The following ADAMTSL1 variants were observed in gnomAD, a reference collection of about 807,000 sequenced individuals.
ADAMTSL1 encodes ADAMTS-like protein 1.
In ADAMTSL1, 126 loss-of-function variants were observed where a neutral mutation model predicts 201.8. The ratio of observed to expected loss-of-function variants is 0.62; its 90% CI spans 0.54 to 0.72. The LOEUF is 0.72. Ranked by LOEUF, ADAMTSL1 falls within the 30% of genes least tolerant of loss-of-function variation. The probability of loss-of-function intolerance (pLI) is 0.00; values close to 1 mark genes in which losing one functional copy is unlikely to be tolerated. For synonymous variants in ADAMTSL1, 1,121 were observed against 903.4 expected (o/e 1.24, Z -4.32); for missense variants, 2,679 against 2,277.8 (o/e 1.18, Z -3.59).
chr9:18,522,748 A>T (rs528109819), intron 2 of ADAMTSL1, among the ~76,000 whole-genome samples: 169 of 151,870 alleles, frequency 1.1e-3, no homozygotes, highest in Non-Finnish European at 1.7e-3. Context: ...AGCTTCATCC[A>T]TGTCCCTACA....
chr9:18,774,017 G>T (rs1820839727), intron 17 of ADAMTSL1, among the ~76,000 whole-genome samples: 1 of 152,160 alleles, frequency 6.6e-6, no homozygotes, highest in Admixed American at 6.5e-5. Context: ...ACACAGAATA[G>T]TGTCACTTCA....
At chr9:18,052,702 GCAT>G (rs1821992840) in intron 1 of ADAMTSL1, among the ~76,000 whole-genome samples, 1 of 152,058 alleles carries the variant, frequency 6.6e-6, no homozygotes, top group Non-Finnish European at 1.5e-5. Context: ...ATTAAAAACA[GCAT>G]CATCATCATT....
intron 23 of ADAMTSL1, among the ~76,000 whole-genome samples, chr9:18,865,646 T>A (rs1827482665): frequency 6.6e-6 from 1 of 152,206 alleles, no homozygotes; most frequent in African/African-American, 2.4e-5. Flanking sequence ...ATCTTACACA[T>A]ATGTGAATCA....
At chr9:18,888,119 C>T in intron 24 of ADAMTSL1, 76 bp downstream of exon 24, 1 of 1,451,762 alleles carries the variant, frequency 6.9e-7, no homozygotes. Flanking sequence ...TCTAGCAGAA[C>T]AAAGAGATTT....
At chr9:18,619,580 T>G (rs1825902206) in intron 4 of ADAMTSL1, among the ~76,000 whole-genome samples, 1 of 152,206 alleles carries the variant, frequency 6.6e-6, no homozygotes, top group African/African-American at 2.4e-5. Flanking sequence ...ACCTCCTATT[T>G]AGCTATTCCT....
chr9:18,048,367 T>G (rs1414785768), intron 1 of ADAMTSL1, among the ~76,000 whole-genome samples: 1 of 152,204 alleles, frequency 6.6e-6, no homozygotes. Context: ...GTTGGTTTTA[T>G]GCACATTGTC....
chr9:18,614,074 A>G (rs967142425), intron 4 of ADAMTSL1, among the ~76,000 whole-genome samples: 1 of 152,114 alleles, frequency 6.6e-6, no homozygotes, highest in Non-Finnish European at 1.5e-5. Context: ...CTAAGATGAG[A>G]AAGTGTTTGT....
chr9:18,358,794 A>G (rs1272954303), intron 2 of ADAMTSL1, among the ~76,000 whole-genome samples: 1 of 152,142 alleles, frequency 6.6e-6, no homozygotes, highest in Non-Finnish European at 1.5e-5. Flanking sequence ...CATTTGGATT[A>G]TTTCCTTATC....
chr9:18,072,075 GC>G (rs1563982619), intron 1 of ADAMTSL1, among the ~76,000 whole-genome samples: 1 of 152,120 alleles, frequency 6.6e-6, no homozygotes, highest in Non-Finnish European at 1.5e-5. Context: ...GTATGTCCAA[GC>G]TTGCATTTTC....
rs538367729 is a variant in ADAMTSL1 at position 18,757,122 on chromosome 9, T to A, written c.2217+3614T>A. On this transcript the variant is annotated intron_variant, in intron 16 of 28. Coordinates refer to ENST00000380548, the MANE Select transcript of ADAMTSL1 (RefSeq NM_001040272.6). ...TTATTTCAGTTCTTCCTCTTAATAC[T>A]CTGCCCTTTGCTTTTCCTCTCTGGT... is the stretch of plus-strand genomic sequence containing the variant. Among the ~76,000 whole-genome samples the A allele has an allele frequency of 2.6e-5, 4 of 152,368 alleles. No homozygotes were observed. In the East Asian group the frequency reaches 7.7e-4, roughly 29 times the overall value.
At chr9:18,811,563 G>A (rs1001752140) in intron 20 of ADAMTSL1, among the ~76,000 whole-genome samples, 3 of 152,196 alleles carry the variant, frequency 2.0e-5, no homozygotes, top group African/African-American at 7.2e-5. Flanking sequence ...AACCTGCACT[G>A]GGTAGTAACA....
intron 15 of ADAMTSL1, chr9:18,723,451 C>G: frequency 3.7e-6 from 1 of 269,048 alleles, no homozygotes; most frequent in Non-Finnish European, 7.2e-6. Flanking sequence ...CTTTGAGCAC[C>G]AAAACGAATA....
intron 2 of ADAMTSL1, among the ~76,000 whole-genome samples, chr9:18,180,098 A>G (rs1198341764): frequency 6.6e-6 from 1 of 152,220 alleles, no homozygotes; most frequent in East Asian, 1.9e-4. Context: ...ATAAAGAGTC[A>G]AGACCCATCA....
intron 2 of ADAMTSL1, among the ~76,000 whole-genome samples, chr9:18,274,243 G>T (rs1479665290): frequency 6.6e-6 from 1 of 152,150 alleles, no homozygotes; most frequent in African/African-American, 2.4e-5. Flanking sequence ...TGATGCATTC[G>T]TAAAAATGTA....
At chr9:17,983,976 A>T (rs148818251) in intron 1 of ADAMTSL1, among the ~76,000 whole-genome samples, 1 of 152,170 alleles carries the variant, frequency 6.6e-6, no homozygotes, top group East Asian at 1.9e-4. Flanking sequence ...TAATGAGATT[A>T]ATAAGTTAAA....
chr9:18,655,819 A>AAATAAAAAAAATAAAAAT (rs1828613001), intron 7 of ADAMTSL1, among the ~76,000 whole-genome samples: 2 of 101,044 alleles, frequency 2.0e-5, no homozygotes, highest in Non-Finnish European at 5.0e-5. Context: ...AAAAAAAAAA[A>AAATAAAAAAAATAAAAAT]AAAAAAAAAA....
Position 18,278,291 on chromosome 9 carries a change from G to A in ADAMTSL1, c.207+114310G>A, listed in dbSNP as rs75226886. ...TCATATTGTTAAGTAGCATTGTTTCGTTTTAACTTGAATAATTCCCTTTAG... is the reference window on the plus strand; with the variant it reads ...TCATATTGTTAAGTAGCATTGTTTCATTTTAACTTGAATAATTCCCTTTAG... On this transcript the variant is annotated intron_variant, in intron 2 of 29. Transcript: ENST00000680146. Among the ~76,000 whole-genome samples, 13 of 152,118 alleles carry A rather than the reference G, an allele frequency of 8.5e-5. No individual in the cohort carries two copies. The South Asian group carries it at 1.0e-3, about 12-fold the overall frequency.
At chr9:18,402,366 T>G (rs1563936821) in intron 2 of ADAMTSL1, among the ~76,000 whole-genome samples, 1 of 152,232 alleles carries the variant, frequency 6.6e-6, no homozygotes, top group East Asian at 1.9e-4. Flanking sequence ...TTACTGCCAC[T>G]GTCATTGGTG....
At chr9:18,407,127 T>C (rs1818239380) in intron 2 of ADAMTSL1, among the ~76,000 whole-genome samples, 1 of 152,222 alleles carries the variant, frequency 6.6e-6, no homozygotes, top group African/African-American at 2.4e-5. Flanking sequence ...AGTTAAAGAA[T>C]GAGATACTTC....
Sources: allele counts gnomAD v4.1 joint callset (sites outside exome capture counted in the v4.1 genomes callset), GRCh38; gene constraint gnomAD v4.1.1; transcripts MANE v1.5; gene names NCBI Gene and HGNC (gene_info 2026-07-23, HGNC 2026-07-21).